Variants in NRXN3 observed in about 807,000 individuals in gnomAD.
The protein encoded by NRXN3 is neurexin 3.
In NRXN3, 32 loss-of-function variants were observed where a neutral mutation model predicts 137.6. The ratio of observed to expected loss-of-function variants is 0.23; its 90% confidence interval spans 0.18 to 0.31. The LOEUF is 0.31. NRXN3 is among the 10% of genes least tolerant of loss of function. The pLI, the probability that NRXN3 is intolerant of heterozygous loss-of-function variation, is 1.00. For synonymous variants in NRXN3, 798 were observed against 784.5 expected (o/e 1.02, Z -0.29); for missense variants, 1,574 against 2,062.5 (o/e 0.76, Z 4.59).
At chr14:79,783,862 C>G (rs1332756262) in intron 19 of NRXN3, among the ~76,000 whole-genome samples, 2 of 152,088 alleles carry the variant, frequency 1.3e-5, no homozygotes, top group Non-Finnish European at 2.9e-5. Flanking sequence ...GATTTTGCCT[C>G]TTTAGTAATC....
At chr14:78,665,234 T>G (rs563603629) in intron 6 of NRXN3, among the ~76,000 whole-genome samples, 2 of 152,294 alleles carry the variant, frequency 1.3e-5, no homozygotes, top group African/African-American at 4.8e-5. Context: ...AAGATATACC[T>G]GAGACTGGGT....
intron 14 of NRXN3, among the ~76,000 whole-genome samples, chr14:78,972,686 T>C (rs1369761168): frequency 6.6e-6 from 1 of 152,152 alleles, no homozygotes; most frequent in African/African-American, 2.4e-5. Flanking sequence ...CTGTCCCTGG[T>C]CTGCGCGTCC....
At chr14:79,428,861 A>G (rs139516437) in intron 15 of NRXN3, among the ~76,000 whole-genome samples, 143 of 152,348 alleles carry the variant, frequency 9.4e-4, no homozygotes, top group African/African-American at 3.4e-3. Context: ...GGAATTAGCA[A>G]GGATGGGGGA....
chr14:79,036,154 T>A (rs2099615597), intron 15 of NRXN3, among the ~76,000 whole-genome samples: 1 of 151,978 alleles, frequency 6.6e-6, no homozygotes, highest in Non-Finnish European at 1.5e-5. Context: ...GAAATATAAT[T>A]CTGTAATTAT....
chr14:79,527,422 T>A (rs1398663440), intron 16 of NRXN3, among the ~76,000 whole-genome samples: 1 of 150,132 alleles, frequency 6.7e-6, no homozygotes, highest in African/African-American at 2.5e-5. Flanking sequence ...GGATGGAAAG[T>A]GGTCTCTTAA....
chr14:78,917,826 C>T (rs2099259642), intron 10 of NRXN3, among the ~76,000 whole-genome samples: 1 of 152,080 alleles, frequency 6.6e-6, no homozygotes, highest in African/African-American at 2.4e-5. Context: ...TTGAGGGCCT[C>T]CACCTGACTT....
chr14:78,312,420 CTATT>C (rs2078079141), intron 4 of NRXN3, among the ~76,000 whole-genome samples: 1 of 152,146 alleles, frequency 6.6e-6, no homozygotes, highest in Admixed American at 6.5e-5. Flanking sequence ...CCCATGTTGA[CTATT>C]TATAACAGCG....
At chr14:78,276,849 A>C (rs1283021329) in intron 2 of NRXN3, among the ~76,000 whole-genome samples, 1 of 152,250 alleles carries the variant, frequency 6.6e-6, no homozygotes, top group Non-Finnish European at 1.5e-5. Flanking sequence ...ACATGTAAAT[A>C]GTTTGATATC....
At chr14:79,404,915 A>C (rs1205764263) in intron 15 of NRXN3, among the ~76,000 whole-genome samples, 1 of 152,180 alleles carries the variant, frequency 6.6e-6, no homozygotes, top group Non-Finnish European at 1.5e-5. Context: ...ACATATGCAC[A>C]CAGATAAAGT....
intron 15 of NRXN3, among the ~76,000 whole-genome samples, chr14:79,127,388 A>T (rs1216330300): frequency 1.3e-5 from 2 of 152,158 alleles, no homozygotes; most frequent in African/African-American, 4.8e-5. Context: ...TCAGCTTTCT[A>T]CATATGGCTA....
chr14:79,199,883 A>G (rs766640073), intron 15 of NRXN3: 1 of 152,214 alleles, frequency 6.6e-6, no homozygotes, highest in Non-Finnish European at 1.5e-5. Context: ...GAAAACTTAT[A>G]AAAGGCCCGG....
intron 15 of NRXN3, among the ~76,000 whole-genome samples, chr14:79,017,614 T>C (rs1048444183): frequency 7.9e-5 from 12 of 152,156 alleles, no homozygotes; most frequent in Non-Finnish European, 1.3e-4. Flanking sequence ...CAAGCATTAC[T>C]GGAGCAAATT....
intron 16 of NRXN3, among the ~76,000 whole-genome samples, chr14:79,532,724 C>T (rs1244023055): frequency 6.6e-6 from 1 of 152,194 alleles, no homozygotes; most frequent in African/African-American, 2.4e-5. Flanking sequence ...CTCATTTCTC[C>T]ACTCTCCTCC....
At chr14:79,498,997 G>T (rs1328773601) in intron 16 of NRXN3, among the ~76,000 whole-genome samples, 2 of 152,054 alleles carry the variant, frequency 1.3e-5, no homozygotes, top group Non-Finnish European at 2.9e-5. Flanking sequence ...GTTGCTCAGG[G>T]TGGTCTTGAA....
chr14:78,279,820 C>G (rs528762635), intron 3 of NRXN3: 2 of 152,174 alleles, frequency 1.3e-5, no homozygotes, highest in Non-Finnish European at 1.5e-5. Flanking sequence ...TAGCAGCCTT[C>G]TTTCCAAATG....
intron 8 of NRXN3, among the ~76,000 whole-genome samples, chr14:78,727,149 C>G (rs2152888123): frequency 6.6e-6 from 1 of 152,268 alleles, no homozygotes. Flanking sequence ...TTAACCAGTT[C>G]TCACCTATTG....
intron 20 of NRXN3, among the ~76,000 whole-genome samples, chr14:79,811,022 T>A (rs781563088): frequency 1.2e-4 from 19 of 152,240 alleles, no homozygotes; most frequent in Non-Finnish European, 2.2e-4. Context: ...AAGTCAATTT[T>A]ATTTAACTAT....
chr14:79,222,546 G>A (rs144547326), intron 15 of NRXN3, among the ~76,000 whole-genome samples: 30 of 152,244 alleles, frequency 2.0e-4, no homozygotes, highest in African/African-American at 7.0e-4. Flanking sequence ...ATACCAAGGA[G>A]CACAACTGCT....
At chr14:79,289,987 G>A (rs1319092845) in intron 15 of NRXN3, among the ~76,000 whole-genome samples, 1 of 152,032 alleles carries the variant, frequency 6.6e-6, no homozygotes, top group Non-Finnish European at 1.5e-5. Context: ...ATACTGTCCT[G>A]CCCTCCCTTT....
Sources: allele counts gnomAD v4.1 joint callset (sites outside exome capture counted in the v4.1 genomes callset), GRCh38; gene constraint gnomAD v4.1.1; transcripts MANE v1.5; gene names NCBI Gene and HGNC (gene_info 2026-07-23, HGNC 2026-07-21).